The following STK32B variants were observed in gnomAD, a reference collection of about 807,000 sequenced individuals.
STK32B encodes serine/threonine kinase 32B, also known as serine/threonine-protein kinase 32B.
In STK32B, 43 loss-of-function variants were observed where a neutral mutation model predicts 52.6. The observed-to-expected ratio is 0.82, with a 90% CI of 0.64 to 1.05. STK32B has a LOEUF of 1.05. Among genes scored for constraint, STK32B ranks in the 50% least tolerant of loss-of-function variants. The pLI, the probability that STK32B is intolerant of heterozygous loss-of-function variation, is 0.00. For synonymous variants in STK32B, 238 were observed against 204.3 expected, an observed-to-expected ratio of 1.17 and a Z score of -1.41; for missense variants, 621 against 534.6, an observed-to-expected ratio of 1.16 and a Z score of -1.59.
At chr4:5,182,687 G>T (rs932868027) in intron 3 of STK32B, among the ~76,000 whole-genome samples, 1 of 152,066 alleles carries the variant, frequency 6.6e-6, no homozygotes, top group African/African-American at 2.4e-5. Context: ...TCGAACTCCT[G>T]ACCTCAGGTA....
At chr4:5,032,177 A>G in the STK32B span, among the ~76,000 whole-genome samples, 3,135 of 151,758 alleles carry the variant, frequency 0.021, 117 homozygotes, top group African/African-American at 0.072. Context: ...TAGAAAGAAA[A>G]AAAAAAAAAA....
intron 3 of STK32B, among the ~76,000 whole-genome samples, chr4:5,321,129 C>T (rs1277870443): frequency 6.6e-6 from 1 of 152,052 alleles, no homozygotes; most frequent in African/African-American, 2.4e-5. Flanking sequence ...CGACTCTAGG[C>T]AAGTTACTCA....
At chr4:5,297,756 TACCC>T (rs938542548) in intron 3 of STK32B, among the ~76,000 whole-genome samples, 1 of 152,056 alleles carries the variant, frequency 6.6e-6, no homozygotes, top group African/African-American at 2.4e-5. Flanking sequence ...AGTTTGTTAT[TACCC>T]ACCTTCTGAA....
At chr4:5,052,025 C>T (rs972616344) in intron 1 of STK32B, 110 bp downstream of exon 1, 2 of 1,473,908 alleles carry the variant, frequency 1.4e-6, no homozygotes. Context: ...GGGACCCAGG[C>T]ATGGCCACTT....
chr4:5,344,222 T>C (rs1393867), intron 4 of STK32B, among the ~76,000 whole-genome samples: 50,667 of 152,060 alleles, frequency 0.33, 11,267 homozygotes, highest in African/African-American at 0.63. Context: ...CTGTTTTGAA[T>C]AAAGCACTGA....
intron 2 of STK32B, among the ~76,000 whole-genome samples, chr4:5,162,167 C>T (rs1260561900): frequency 6.6e-6 from 1 of 152,182 alleles, no homozygotes; most frequent in African/African-American, 2.4e-5. Flanking sequence ...GTTCTGTACT[C>T]CTCTGTCCTC....
intron 4 of STK32B, among the ~76,000 whole-genome samples, chr4:5,388,060 T>G (rs59395183): frequency 0.11 from 16,569 of 152,242 alleles, 984 homozygotes; most frequent in Non-Finnish European, 0.12. Context: ...TGCCACTTTT[T>G]AACTATGACC....
chr4:5,296,585 C>A (rs1227213485), intron 3 of STK32B, among the ~76,000 whole-genome samples: 1 of 151,962 alleles, frequency 6.6e-6, no homozygotes, highest in African/African-American at 2.4e-5. Flanking sequence ...GGATTGCAAC[C>A]CCTGCTGTTT....
At position 5,168,534 on chromosome 4, in the gene STK32B, C is replaced by T. The variant is rs147017335; in HGVS notation, c.260+84C>T. The T allele has an allele frequency of 1.1e-3, 1,560 of 1,439,886 alleles. 15 individuals are homozygous for T. The African/African-American group carries it at 0.018, about 16-fold the overall frequency. 89.2% of individuals were successfully genotyped at this position (1,439,886 alleles called of 1,614,324 possible). A position where few individuals can be genotyped will look rare whatever the true frequency, so the allele number is the denominator to read the frequency against. ...TTCGCCTCTGCTAGAGGGACTCTTC[C>T]GCATTGTAAAGGGAAAGGGATGCAA... On this transcript the variant is annotated intron_variant, in intron 3 of 11. Coordinates refer to ENST00000282908, the MANE Select transcript of STK32B (RefSeq NM_018401.3).
intron 1 of STK32B, among the ~76,000 whole-genome samples, chr4:5,081,805 G>T (rs182716434): frequency 6.6e-6 from 1 of 152,126 alleles, no homozygotes; most frequent in Admixed American, 6.5e-5. Context: ...TGAGTTTTCT[G>T]TGTTCTCCTA....
At chr4:5,090,516 C>G (rs916078722) in intron 1 of STK32B, among the ~76,000 whole-genome samples, 4 of 151,876 alleles carry the variant, frequency 2.6e-5, no homozygotes, top group Non-Finnish European at 5.9e-5. Flanking sequence ...GCTGGGACTA[C>G]AGGTGCCTGA....
chr4:5,083,740 AT>A (rs34158437), intron 1 of STK32B, among the ~76,000 whole-genome samples: 227 of 144,108 alleles, frequency 1.6e-3, no homozygotes, highest in African/African-American at 2.1e-3. Context: ...TCTGTTACCT[AT>A]TTTTTTTTTT....
chr4:5,132,794 C>T (rs1232244290), intron 1 of STK32B, among the ~76,000 whole-genome samples: 1 of 151,862 alleles, frequency 6.6e-6, no homozygotes, highest in East Asian at 1.9e-4. Flanking sequence ...ATAGAATTTA[C>T]CACTTTTTTT....
chr4:5,483,944 T>A (rs1040102960), intron 11 of STK32B, among the ~76,000 whole-genome samples: 1 of 152,218 alleles, frequency 6.6e-6, no homozygotes, highest in African/African-American at 2.4e-5. Context: ...TGCACTGTGG[T>A]CTGAGAGACA....
At chr4:5,446,383 A>G (rs2109121440) in intron 6 of STK32B, among the ~76,000 whole-genome samples, 1 of 152,192 alleles carries the variant, frequency 6.6e-6, no homozygotes, top group Non-Finnish European at 1.5e-5. Context: ...CTGGCCAACA[A>G]GGTGAAACCC....
In STK32B at chr4:5,322,017, A is replaced by G. The variant is rs1233437257; in HGVS notation, c.261-9203A>G. Among the ~76,000 whole-genome samples, 448 of 140,984 alleles carry G rather than the reference A, an allele frequency of 3.2e-3. 6 individuals carry two copies. The highest frequency in any genetic ancestry group is 0.012 in the African/African-American group (427 of 34,676). 92.5% of individuals were successfully genotyped at this position (140,984 alleles called of 152,430 possible). On this transcript the variant is annotated intron_variant, in intron 3 of 11. Coordinates refer to ENST00000282908, the MANE Select transcript of STK32B (RefSeq NM_018401.3). Reference sequence around the variant, plus strand: ...GCCTCAAGTCAAATTAAAAAAAAAAAAAAAGTGGTGGGAGTGGGGGTGGGG... The same window carrying G: ...GCCTCAAGTCAAATTAAAAAAAAAAGAAAAGTGGTGGGAGTGGGGGTGGGG...
chr4:5,461,717 C>T (rs936212952), intron 9 of STK32B, among the ~76,000 whole-genome samples: 1 of 152,190 alleles, frequency 6.6e-6, no homozygotes, highest in Non-Finnish European at 1.5e-5. Context: ...AGGCAGGGCT[C>T]CAGACAGGCT....
chr4:5,410,904 T>C (rs956474499), intron 5 of STK32B, among the ~76,000 whole-genome samples: 2 of 152,206 alleles, frequency 1.3e-5, no homozygotes, highest in Non-Finnish European at 2.9e-5. Context: ...TGGTGAGGGC[T>C]GCTCTCTGCT....
intron 3 of STK32B, chr4:5,203,964 TCATAATG>T (rs1256837343): frequency 1.3e-5 from 2 of 152,200 alleles, no homozygotes; most frequent in Admixed American, 6.5e-5. Context: ...AGGTACGAAG[TCATAATG>T]CATTCTCCAT....
Sources: gnomAD v4.1 joint callset for allele counts (sites outside exome capture counted in the v4.1 genomes callset) on GRCh38, gnomAD v4.1.1 for gene constraint, MANE v1.5 for transcripts, NCBI Gene and HGNC (gene_info 2026-07-23, HGNC 2026-07-21) for gene names.